The following PPP2R2A variants were observed in gnomAD, a reference collection of about 807,000 sequenced individuals.
PPP2R2A encodes serine/threonine-protein phosphatase 2A 55 kDa regulatory subunit B alpha isoform.
In PPP2R2A, 9 loss-of-function variants were observed where a neutral mutation model predicts 53.2. That is an observed-to-expected ratio of 0.17 (90% CI 0.10 to 0.30). The LOEUF is 0.30. Among genes scored for constraint, PPP2R2A ranks in the 10% least tolerant of loss-of-function variants. PPP2R2A has a pLI of 1.00. For synonymous variants in PPP2R2A, 169 were observed against 174.2 expected (o/e 0.97, Z 0.23); for missense variants, 235 against 534.6 (o/e 0.44, Z 5.53).
At chr8:26,319,789 A>G (rs559130616) in intron 2 of PPP2R2A, among the ~76,000 whole-genome samples, 4 of 152,344 alleles carry the variant, frequency 2.6e-5, no homozygotes, top group African/African-American at 7.2e-5. Flanking sequence ...CTTCCAATCC[A>G]TGAACATGGA....
chr8:26,291,743 C>T lies in PPP2R2A; in HGVS notation c.-77C>T, dbSNP rs565549321. ...CCGCCATCCGCCCTCTCTACCCCCC[C>T]ATCCCCAGGTGAGGGGGGTGAGTTC... On this transcript the variant is annotated 5_prime_UTR_variant, in exon 1 of 10. Coordinates refer to ENST00000380737, the MANE Select transcript of PPP2R2A (RefSeq NM_002717.4). The T allele has an allele frequency of 1.3e-6, 2 of 1,511,972 alleles. No homozygotes were observed. The highest frequency in any genetic ancestry group is 1.4e-5 in the African/African-American group (1 of 70,948). The allele number at this position is 1,511,972 out of a possible 1,614,324, so 93.7% of individuals were successfully genotyped here. A position where few individuals can be genotyped will look rare whatever the true frequency, so the allele number is the denominator to read the frequency against.
At chr8:26,306,095 C>G (rs951940874) in intron 2 of PPP2R2A, among the ~76,000 whole-genome samples, 1 of 151,904 alleles carries the variant, frequency 6.6e-6, no homozygotes, top group African/African-American at 2.4e-5. Flanking sequence ...ATCGCTTGAA[C>G]CCAGGAGTTA....
intron 2 of PPP2R2A, among the ~76,000 whole-genome samples, chr8:26,308,010 A>C (rs1216554814): frequency 2.0e-5 from 3 of 152,264 alleles, no homozygotes; most frequent in African/African-American, 7.2e-5. Flanking sequence ...CAAATATTGC[A>C]ATAAGGTGAG....
At chr8:26,339,464 AAAT>A (rs1803832037) in intron 3 of PPP2R2A, among the ~76,000 whole-genome samples, 1 of 152,202 alleles carries the variant, frequency 6.6e-6, no homozygotes, top group Non-Finnish European at 1.5e-5. Flanking sequence ...GTAAAGGTTT[AAAT>A]GACAGTTGCA....
chr8:26,352,716 C>G (rs2117374970), intron 3 of PPP2R2A, among the ~76,000 whole-genome samples: 1 of 152,268 alleles, frequency 6.6e-6, no homozygotes. Flanking sequence ...TTTAGTAGAC[C>G]TGTGTTGTTG....
At chr8:26,340,186 C>CAT (rs1803871591) in intron 3 of PPP2R2A, among the ~76,000 whole-genome samples, 1 of 151,920 alleles carries the variant, frequency 6.6e-6, no homozygotes, top group African/African-American at 2.4e-5. Flanking sequence ...AGAATCTTGA[C>CAT]ATACTTAGAG....
intron 3 of PPP2R2A, among the ~76,000 whole-genome samples, chr8:26,346,252 T>C (rs1462509001): frequency 2.6e-5 from 4 of 152,052 alleles, no homozygotes; most frequent in Non-Finnish European, 5.9e-5. Flanking sequence ...GTCATCCTTA[T>C]GCCTCAGCCT....
At chr8:26,356,199 A>G (rs1804774561) in intron 4 of PPP2R2A, among the ~76,000 whole-genome samples, 1 of 152,210 alleles carries the variant, frequency 6.6e-6, no homozygotes, top group Non-Finnish European at 1.5e-5. Context: ...ATATACTTAA[A>G]TGACTTCAGG....
At chr8:26,356,120 T>C (rs929524884) in intron 4 of PPP2R2A, among the ~76,000 whole-genome samples, 3 of 152,182 alleles carry the variant, frequency 2.0e-5, no homozygotes, top group Admixed American at 2.0e-4. Context: ...GAACCTCTTA[T>C]TTTCTCATCC....
intron 2 of PPP2R2A, among the ~76,000 whole-genome samples, chr8:26,301,144 A>C (rs7843535): frequency 0.019 from 2,923 of 152,208 alleles, 90 homozygotes; most frequent in African/African-American, 0.067. Context: ...TCCTAATATA[A>C]TTTTATTTCA....
At chr8:26,315,777 C>T (rs973573922) in intron 2 of PPP2R2A, among the ~76,000 whole-genome samples, 1 of 152,066 alleles carries the variant, frequency 6.6e-6, no homozygotes, top group African/African-American at 2.4e-5. Flanking sequence ...CTTGCGTTTT[C>T]TTTGTTCTTA....
intron 2 of PPP2R2A, among the ~76,000 whole-genome samples, chr8:26,333,201 A>T (rs1803473102): frequency 6.6e-6 from 1 of 152,272 alleles, no homozygotes; most frequent in East Asian, 1.9e-4. Context: ...AGGGCCAGAT[A>T]GTAAATGTTT....
chr8:26,309,663 A>G (rs1802186095), intron 2 of PPP2R2A, among the ~76,000 whole-genome samples: 1 of 152,140 alleles, frequency 6.6e-6, no homozygotes, highest in African/African-American at 2.4e-5. Context: ...ACCTTTATCA[A>G]TTAAATTATC....
At chr8:26,335,487 A>G (rs1372103036) in intron 2 of PPP2R2A, among the ~76,000 whole-genome samples, 1 of 152,242 alleles carries the variant, frequency 6.6e-6, no homozygotes, top group African/African-American at 2.4e-5. Context: ...TGCGGTATAA[A>G]GATCACAGCA....
At chr8:26,323,989 CAT>C (rs1197943116) in intron 2 of PPP2R2A, among the ~76,000 whole-genome samples, 3 of 152,246 alleles carry the variant, frequency 2.0e-5, no homozygotes, top group African/African-American at 4.8e-5. Context: ...TGTCTTATCA[CAT>C]GTTAGGACAA....
intron 7 of PPP2R2A, chr8:26,363,449 C>G: frequency 3.7e-6 from 1 of 271,996 alleles, no homozygotes; most frequent in Non-Finnish European, 6.9e-6. Flanking sequence ...AAACCTGGTG[C>G]ACTGAAGTCA....
In PPP2R2A at chr8:26,370,193, G is replaced by A. The variant is rs748289874; in HGVS notation, c.1124G>A (p.Arg375Gln). The A allele has an allele frequency of 3.7e-6, 6 of 1,613,998 alleles. No individual in the cohort carries two copies. The highest frequency in any genetic ancestry group is 1.7e-5 in the Admixed American group (1 of 60,006). Residue 375 changes from arginine to glutamine, a missense_variant, in exon 10 of 10, where the codon CGA (arginine) becomes CAA (glutamine). Physicochemically the swap from Arg to Gln is conservative, Grantham distance 43. Around this residue, in one of 3 missense-constraint regions of PPP2R2A, gnomAD observed 181 missense variants for 409.9 expected, o/e 0.44. Transcript: ENST00000380737. The surrounding 1 kb of genome is among the most constrained non-coding windows in gnomAD (Gnocchi z 6.1). ...FFRMFDRNTKRDITLEASREN... is the reference protein window; with the variant it reads ...FFRMFDRNTKQDITLEASREN... ...AGAATGTTTGACAGAAACACAAAGC[G>A]AGACATAACCCTAGAAGCATCGCGG...
In PPP2R2A at chr8:26,372,092, A is replaced by G. The variant is rs1384537972; in HGVS notation, c.*1679A>G. The G allele has an allele frequency of 1.3e-5, 2 of 152,290 alleles. No individual in the cohort carries two copies. The highest frequency in any genetic ancestry group is 6.8e-3 in the Middle Eastern group (2 of 294). 9.4% of individuals were successfully genotyped at this position (152,290 alleles called of 1,614,324 possible). ...CCGACCGTGATTCCCTCTACTACAA[A>G]TATTATGTCTTGTAAGTTAGCATTT... is the stretch of plus-strand genomic sequence containing the variant. On this transcript the variant is annotated 3_prime_UTR_variant, in exon 10 of 10. Coordinates refer to ENST00000380737, the MANE Select transcript of PPP2R2A (RefSeq NM_002717.4).
chr8:26,362,915 T>G lies in PPP2R2A; in HGVS notation c.802+67T>G. On this transcript the variant is annotated intron_variant, in intron 7 of 9. Transcript: ENST00000380737. This position sits in a 1 kb window ranked among gnomAD's most constrained non-coding sequence, Gnocchi z 4.4. ...GTTTGTCTGAAATAAGCCTCAGACATGATAAGTACAATTACAGAGGTTCAA... is the reference window on the plus strand; with the variant it reads ...GTTTGTCTGAAATAAGCCTCAGACAGGATAAGTACAATTACAGAGGTTCAA... 6.8e-7 allele frequency: 1 copy of G among 1,460,504 alleles called. No homozygotes were observed. Among genetic ancestry groups the G allele is most frequent in the African/African-American group, 1.4e-5 (1 of 71,622 alleles). The allele number at this position is 1,460,504 out of a possible 1,614,324, so 90.5% of individuals were successfully genotyped here.
Sources: allele counts gnomAD v4.1 joint callset (sites outside exome capture counted in the v4.1 genomes callset), GRCh38; gene constraint gnomAD v4.1.1; regional missense constraint gnomAD v4.1.1; non-coding constraint Gnocchi (gnomAD v3.1); transcripts MANE v1.5; gene names NCBI Gene and HGNC (gene_info 2026-07-23, HGNC 2026-07-21).